PRCP: variants seen among roughly 807,000 people sequenced by gnomAD.
PRCP encodes lysosomal Pro-X carboxypeptidase.
In PRCP, 46 loss-of-function variants were observed where a neutral mutation model predicts 54.2. The ratio of observed to expected loss-of-function variants is 0.85; its 90% CI spans 0.67 to 1.09. The LOEUF is 1.09. Among genes scored for constraint, PRCP ranks in the 50% least tolerant of loss-of-function variants. PRCP has a pLI of 0.00. For synonymous variants in PRCP, 240 were observed against 212.2 expected (o/e 1.13, Z -1.14); for missense variants, 613 against 596.8 (o/e 1.03, Z -0.28).
intron 1 of PRCP, among the ~76,000 whole-genome samples, chr11:82,868,908 C>T (rs1343989491): frequency 1.3e-5 from 2 of 151,996 alleles, no homozygotes; most frequent in Non-Finnish European, 2.9e-5. Flanking sequence ...TGGTGATACA[C>T]GCCTATAATC....
intron 1 of PRCP, among the ~76,000 whole-genome samples, chr11:82,896,576 G>A (rs1403752781): frequency 6.6e-6 from 1 of 151,410 alleles, no homozygotes; most frequent in Non-Finnish European, 1.5e-5. Context: ...CTACTCGGGA[G>A]GCTAAGGCAG....
chr11:82,895,817 G>C (rs1198103340), intron 1 of PRCP, among the ~76,000 whole-genome samples: 2 of 152,164 alleles, frequency 1.3e-5, no homozygotes, highest in Non-Finnish European at 2.9e-5. Context: ...GGGCCACTGT[G>C]ACAAAGGTGG....
chr11:82,884,408 A>T (rs1393305737), intron 1 of PRCP, among the ~76,000 whole-genome samples: 1 of 152,062 alleles, frequency 6.6e-6, no homozygotes, highest in Non-Finnish European at 1.5e-5. Context: ...AAAATACAAA[A>T]ATTAGCCAGG....
At chr11:82,834,955 T>C (rs940576772) in intron 8 of PRCP, among the ~76,000 whole-genome samples, 2 of 152,170 alleles carry the variant, frequency 1.3e-5, no homozygotes, top group African/African-American at 2.4e-5. Flanking sequence ...TCCCAGCTAC[T>C]TGGGAAGCTG....
intron 1 of PRCP, among the ~76,000 whole-genome samples, chr11:82,887,234 A>G (rs1015862967): frequency 1.3e-5 from 2 of 152,222 alleles, no homozygotes; most frequent in African/African-American, 4.8e-5. Context: ...ATCCCATTAT[A>G]GACATCTCAT....
At chr11:82,839,504 T>G (rs144647323) in intron 6 of PRCP, 79 bp from the exon 7 acceptor site, 3 of 1,426,538 alleles carry the variant, frequency 2.1e-6, no homozygotes, top group Non-Finnish European at 2.9e-6. Flanking sequence ...AAAGAAGAAA[T>G]ATGATTTTGA....
chr11:82,828,937 TC>T (rs1325020137), intron 8 of PRCP: 1 of 152,220 alleles, frequency 6.6e-6, no homozygotes, highest in East Asian at 1.9e-4. Flanking sequence ...CACTCTTTAA[TC>T]TTTTTGGTCT....
intron 8 of PRCP, chr11:82,836,863 T>G (rs539005276): frequency 2.6e-6 from 1 of 390,228 alleles, no homozygotes; most frequent in Non-Finnish European, 5.1e-6. Flanking sequence ...GCATTTTTGT[T>G]GGCTGAATTG....
intron 3 of PRCP, among the ~76,000 whole-genome samples, chr11:82,851,045 G>A (rs1204969704): frequency 6.6e-6 from 1 of 152,062 alleles, no homozygotes; most frequent in African/African-American, 2.4e-5. Flanking sequence ...TCAGGTATTG[G>A]AAAACAGGCA....
Position 82,838,434 on chromosome 11 carries a change from A to G in PRCP, c.1227T>C (p.Thr409=). 6.2e-7 allele frequency: 1 copy of G among 1,614,038 alleles called. No individual in the cohort carries two copies. The highest frequency in any genetic ancestry group is 8.5e-7 in the Non-Finnish European group (1 of 1,179,922). ...GVRPRPSWIT[T]MYGGKNISSH... ...AACTAATGTTTTTGCCTCCATACATAGTAGTGATCCAGGAGGGCCTTGGTC... is the reference window on the plus strand; with the variant it reads ...AACTAATGTTTTTGCCTCCATACATGGTAGTGATCCAGGAGGGCCTTGGTC... The change falls in exon 8 of 9, where the codon ACT becomes ACC. Residue 409 remains threonine, a synonymous_variant. Transcript: ENST00000313010.
chr11:82,860,214 T>C (rs1190884530), intron 1 of PRCP, 97 bp from the exon 2 acceptor site: 2 of 833,698 alleles, frequency 2.4e-6, no homozygotes, highest in Non-Finnish European at 3.2e-6. Context: ...CAATCTCTAC[T>C]ACAAAAATAA....
intron 8 of PRCP, among the ~76,000 whole-genome samples, chr11:82,832,389 C>A (rs536337461): frequency 6.6e-6 from 1 of 152,270 alleles, no homozygotes; most frequent in East Asian, 1.9e-4. Context: ...TTTTAATAAT[C>A]GCCATTCTAA....
intron 1 of PRCP, among the ~76,000 whole-genome samples, chr11:82,894,073 T>C (rs1049949084): frequency 2.0e-5 from 3 of 152,120 alleles, no homozygotes; most frequent in African/African-American, 7.2e-5. Flanking sequence ...TATTAAGAAG[T>C]ACCATATCCT....
chr11:82,855,366 C>A (rs551865667), intron 2 of PRCP, among the ~76,000 whole-genome samples: 1 of 152,306 alleles, frequency 6.6e-6, no homozygotes, highest in South Asian at 2.1e-4. Flanking sequence ...CGCCTGTAAT[C>A]CCAGCACTTT....
chr11:82,853,965 T>C (rs374315234), intron 2 of PRCP, among the ~76,000 whole-genome samples: 3 of 152,108 alleles, frequency 2.0e-5, no homozygotes, highest in East Asian at 1.9e-4. Flanking sequence ...CCCTTCATGG[T>C]AAAAATTCTC....
At chr11:82,851,554 C>T (rs1219827869) in intron 3 of PRCP, among the ~76,000 whole-genome samples, 2 of 151,032 alleles carry the variant, frequency 1.3e-5, no homozygotes, top group East Asian at 1.9e-4. Flanking sequence ...CACCAGCTGA[C>T]ATCCTAACCT....
chr11:82,870,559 C>T (rs1179986118), intron 1 of PRCP, among the ~76,000 whole-genome samples: 3 of 152,078 alleles, frequency 2.0e-5, no homozygotes, highest in African/African-American at 7.3e-5. Context: ...TCATATAACA[C>T]CTTAGTTTTT....
chr11:82,849,370 C>G, intron 5 of PRCP, 152 bp from the exon 6 acceptor site: 1 of 839,346 alleles, frequency 1.2e-6, no homozygotes, highest in Middle Eastern at 2.8e-4. Flanking sequence ...AATCCCATGA[C>G]AGACAAGTTG....
rs188419942 is a variant in PRCP at position 82,867,935 on chromosome 11, C to T, written c.169-7818G>A. Among the ~76,000 whole-genome samples, 7 of 152,292 alleles carry T rather than the reference C, an allele frequency of 4.6e-5. No homozygotes were observed. In the East Asian group the frequency reaches 1.3e-3, roughly 29 times the overall value. ...AGAAAATCTTAGGACAGAAAGGGAA[C>T]TTAGATCTCAAGTCCAAACTCTTGG... On this transcript the variant is annotated intron_variant, in intron 1 of 8. Transcript: ENST00000313010.
Sources: gnomAD v4.1 joint callset for allele counts (sites outside exome capture counted in the v4.1 genomes callset) on GRCh38, gnomAD v4.1.1 for gene constraint, MANE v1.5 for transcripts, NCBI Gene and HGNC (gene_info 2026-07-23, HGNC 2026-07-21) for gene names.